Variants in GPHN observed in about 807,000 individuals in gnomAD.
GPHN encodes gephyrin.
Under a neutral mutation model 95.5 loss-of-function variants are expected in GPHN, and 17 were observed. The ratio of observed to expected loss-of-function variants is 0.18; its 90% CI spans 0.12 to 0.27. The LOEUF is 0.27. Among genes scored for constraint, GPHN ranks in the 10% least tolerant of loss-of-function variants. The pLI, the probability that GPHN is intolerant of heterozygous loss-of-function variation, is 1.00. For missense variants in GPHN, 660 were observed against 978.1 expected (o/e 0.67, Z 4.34); for synonymous variants, 320 against 322.5 (o/e 0.99, Z 0.08).
intron 2 of GPHN, among the ~76,000 whole-genome samples, chr14:66,725,360 T>C (rs1030248344): frequency 1.3e-5 from 2 of 152,252 alleles, no homozygotes; most frequent in Admixed American, 6.5e-5. Context: ...TATTTAGTTC[T>C]AATCTTTTTT....
intron 2 of GPHN, among the ~76,000 whole-genome samples, chr14:66,736,865 C>A (rs540052382): frequency 6.6e-6 from 1 of 152,304 alleles, no homozygotes. Context: ...CTCTTAACCT[C>A]TGTTTCTTAT....
At chr14:67,729,093 A>G in the GPHN span, 7 of 1,181,862 alleles carry the variant, frequency 5.9e-6, no homozygotes, top group Non-Finnish European at 8.8e-6. Flanking sequence ...ATGTTTCCTG[A>G]GTCCCTCCTT....
chr14:67,412,196 G>A, the GPHN span: 51 of 635,706 alleles, frequency 8.0e-5, no homozygotes, highest in Non-Finnish European at 1.2e-4. Context: ...ACGCCTCCCT[G>A]GCGCGTGTCC....
intron 1 of GPHN, among the ~76,000 whole-genome samples, chr14:66,548,802 G>A (rs1027370834): frequency 1.3e-5 from 2 of 152,180 alleles, no homozygotes; most frequent in Non-Finnish European, 2.9e-5. Context: ...TGGAAAGGTA[G>A]GCCTCTTGTG....
At chr14:66,657,925 A>G (rs1227019819) in intron 1 of GPHN, among the ~76,000 whole-genome samples, 1 of 152,176 alleles carries the variant, frequency 6.6e-6, no homozygotes. Context: ...TATTTAAGAA[A>G]TACATTTTGT....
At chr14:66,766,849 T>C (rs181985791) in intron 2 of GPHN, among the ~76,000 whole-genome samples, 2 of 152,180 alleles carry the variant, frequency 1.3e-5, no homozygotes, top group East Asian at 3.9e-4. Context: ...AGAAAAAATT[T>C]CATTAATCTT....
At chr14:66,737,012 A>G (rs745617713) in intron 2 of GPHN, among the ~76,000 whole-genome samples, 6 of 152,024 alleles carry the variant, frequency 3.9e-5, no homozygotes, top group Non-Finnish European at 7.4e-5. Flanking sequence ...TAAAATTATT[A>G]TATGTTTCAT....
chr14:67,010,022 G>A (rs183657296), intron 9 of GPHN, among the ~76,000 whole-genome samples: 1 of 151,974 alleles, frequency 6.6e-6, no homozygotes, highest in East Asian at 2.0e-4. Context: ...GCCTCCCAAA[G>A]TGCTGGGATT....
chr14:67,447,324 C>T, the GPHN span: 5 of 152,144 alleles, frequency 3.3e-5, no homozygotes, highest in African/African-American at 1.2e-4. Context: ...GCCCCACTTC[C>T]TAATACCATC....
the GPHN span, chr14:67,340,186 T>A: frequency 8.7e-5 from 34 of 389,938 alleles, no homozygotes; most frequent in African/African-American, 3.5e-4. Flanking sequence ...AACATATATT[T>A]AAAAAAAAAA....
At chr14:66,662,198 C>T (rs1018620911) in intron 1 of GPHN, among the ~76,000 whole-genome samples, 2 of 152,140 alleles carry the variant, frequency 1.3e-5, no homozygotes, top group African/African-American at 4.8e-5. Flanking sequence ...ATCCCTGATC[C>T]CACTCTTCCT....
chr14:66,896,434 T>C (rs965404083), intron 5 of GPHN, among the ~76,000 whole-genome samples: 6 of 151,870 alleles, frequency 4.0e-5, no homozygotes, highest in Admixed American at 6.6e-5. Flanking sequence ...GCCTGGGCAA[T>C]ATGGCAAAAC....
At chr14:67,316,183 G>A in the GPHN span, among the ~76,000 whole-genome samples, 2 of 152,122 alleles carry the variant, frequency 1.3e-5, no homozygotes, top group Non-Finnish European at 2.9e-5. Context: ...AGACATATTT[G>A]ATTTAAAGTA....
intron 9 of GPHN, among the ~76,000 whole-genome samples, chr14:67,007,476 TTATC>T (rs2072681659): frequency 6.6e-6 from 1 of 152,238 alleles, no homozygotes; most frequent in Non-Finnish European, 1.5e-5. Context: ...CATATCAAGT[TTATC>T]TATAACTTCA....
At chr14:67,018,988 T>G (rs1237480414) in intron 9 of GPHN, among the ~76,000 whole-genome samples, 2 of 152,192 alleles carry the variant, frequency 1.3e-5, no homozygotes, top group Non-Finnish European at 2.9e-5. Flanking sequence ...CATTGCTAAC[T>G]AAATTGGGAT....
At chr14:67,088,514 T>C (rs1447380371) in intron 11 of GPHN, among the ~76,000 whole-genome samples, 1 of 152,194 alleles carries the variant, frequency 6.6e-6, no homozygotes, top group Non-Finnish European at 1.5e-5. Flanking sequence ...TTTAAGTACC[T>C]ATATTGTTGA....
chr14:67,141,576 A>G (rs999914338), intron 17 of GPHN, among the ~76,000 whole-genome samples: 1 of 152,206 alleles, frequency 6.6e-6, no homozygotes, highest in Non-Finnish European at 1.5e-5. Context: ...TGGCTACTTT[A>G]CAGATGAAAA....
chr14:66,788,265 C>A (rs965264780), intron 3 of GPHN, among the ~76,000 whole-genome samples: 1 of 152,164 alleles, frequency 6.6e-6, no homozygotes, highest in Non-Finnish European at 1.5e-5. Context: ...GCCAAAATGG[C>A]ACCACTGCAC....
At chr14:66,564,945 A>G (rs1191049037) in intron 1 of GPHN, among the ~76,000 whole-genome samples, 1 of 152,088 alleles carries the variant, frequency 6.6e-6, no homozygotes, top group Non-Finnish European at 1.5e-5. Flanking sequence ...TCCTGTTGTG[A>G]TGCTGGGACT....
Sources: gnomAD v4.1 joint callset for allele counts (sites outside exome capture counted in the v4.1 genomes callset) on GRCh38, gnomAD v4.1.1 for gene constraint, MANE v1.5 for transcripts, NCBI Gene and HGNC (gene_info 2026-07-23, HGNC 2026-07-21) for gene names.